The following LTBP1 variants were observed in gnomAD, a reference collection of about 807,000 sequenced individuals.
LTBP1 encodes the protein latent-transforming growth factor beta-binding protein 1.
In LTBP1, 129 loss-of-function variants were observed where a neutral mutation model predicts 207.6. That is an observed-to-expected ratio of 0.62 (90% CI 0.54 to 0.72). The LOEUF (loss-of-function observed/expected upper bound fraction) is 0.72, where lower values mean the gene tolerates loss of function less well. LTBP1 is among the 30% of genes least tolerant of loss of function. LTBP1 has a pLI of 0.00. For missense variants in LTBP1, 2,281 were observed against 2,217.2 expected, an observed-to-expected ratio of 1.03 and a Z score of -0.58; for synonymous variants, 963 against 833.7, an observed-to-expected ratio of 1.16 and a Z score of -2.67.
chr2:33,318,257 C>T (rs1043631778), intron 24 of LTBP1, among the ~76,000 whole-genome samples: 1 of 152,110 alleles, frequency 6.6e-6, no homozygotes, highest in African/African-American at 2.4e-5. Context: ...GGAGAAACAC[C>T]GTGGTTCTCC....
At chr2:32,953,578 C>T (rs764816126) in intron 2 of LTBP1, among the ~76,000 whole-genome samples, 12 of 152,200 alleles carry the variant, frequency 7.9e-5, no homozygotes, top group Admixed American at 7.8e-4. Context: ...TTAAAATCCA[C>T]ATTTAGGAAC....
intron 8 of LTBP1, among the ~76,000 whole-genome samples, chr2:33,218,199 AC>A (rs1346080366): frequency 2.0e-5 from 3 of 152,184 alleles, no homozygotes; most frequent in African/African-American, 4.8e-5. Context: ...TTTTTCTGAC[AC>A]TGGTTTTATG....
At chr2:32,998,558 A>T (rs998148936) in intron 2 of LTBP1, among the ~76,000 whole-genome samples, 4 of 150,316 alleles carry the variant, frequency 2.7e-5, no homozygotes, top group African/African-American at 9.8e-5. Context: ...GTTGTTATGA[A>T]CTGAATGTTT....
chr2:33,056,774 T>A (rs1280572901), intron 3 of LTBP1, among the ~76,000 whole-genome samples: 1 of 151,966 alleles, frequency 6.6e-6, no homozygotes, highest in Non-Finnish European at 1.5e-5. Flanking sequence ...AGCAGCAAGA[T>A]TTATTGCAAA....
chr2:33,021,152 C>G lies in LTBP1; in HGVS notation c.809C>G (p.Thr270Ser). Residue 270 changes from threonine to serine, a missense_variant, in exon 3 of 34, where the codon ACC becomes AGC. This residue lies in a region of LTBP1 where 555 missense variants were observed against 491.0 expected (regional missense o/e 1.13). Transcript: ENST00000404816. ...AGAGTCAGCCCTGTGGCCCAGATGACCTTAACCCTCAAGCCGAAGCCTTCA... is the reference window on the plus strand; with the variant it reads ...AGAGTCAGCCCTGTGGCCCAGATGAGCTTAACCCTCAAGCCGAAGCCTTCA... ...LPRVSPVAQM[T>S]LTLKPKPSVG... The G allele has an allele frequency of 6.2e-7, 1 of 1,612,422 alleles. No homozygotes were observed. The highest frequency in any genetic ancestry group is 8.5e-7 in the Non-Finnish European group (1 of 1,179,024).
At chr2:33,135,634 A>G (rs1050702197) in intron 5 of LTBP1, among the ~76,000 whole-genome samples, 2 of 152,198 alleles carry the variant, frequency 1.3e-5, no homozygotes, top group Non-Finnish European at 2.9e-5. Context: ...GTTAATTTAA[A>G]TATGAAGTAG....
At chr2:33,282,860 C>G (rs1178277890) in intron 19 of LTBP1, among the ~76,000 whole-genome samples, 1 of 151,972 alleles carries the variant, frequency 6.6e-6, no homozygotes, top group Admixed American at 6.6e-5. Context: ...GTCAAGAGAT[C>G]GAGACCATCC....
intron 22 of LTBP1, among the ~76,000 whole-genome samples, chr2:33,307,934 A>G (rs529488635): frequency 4.4e-4 from 67 of 152,332 alleles, no homozygotes; most frequent in African/African-American, 1.5e-3. Context: ...GAGAAAAATG[A>G]AATTCGGTAT....
At chr2:33,272,748 C>T (rs1325992585) in intron 15 of LTBP1, among the ~76,000 whole-genome samples, 1 of 152,222 alleles carries the variant, frequency 6.6e-6, no homozygotes, top group Non-Finnish European at 1.5e-5. Flanking sequence ...GCCAGTGCTT[C>T]TAACCACCAG....
chr2:32,952,770 G>A (rs1173161147), intron 2 of LTBP1, among the ~76,000 whole-genome samples: 1 of 152,156 alleles, frequency 6.6e-6, no homozygotes, highest in Non-Finnish European at 1.5e-5. Flanking sequence ...CAGCTTTAAT[G>A]AGAAGACTGG....
At chr2:33,256,963 G>A (rs888475249) in intron 11 of LTBP1, among the ~76,000 whole-genome samples, 1 of 149,774 alleles carries the variant, frequency 6.7e-6, no homozygotes, top group African/African-American at 2.4e-5. Flanking sequence ...GGATACTGAG[G>A]AATGACTATG....
chr2:32,953,207 G>C (rs752078312), intron 2 of LTBP1, among the ~76,000 whole-genome samples: 1 of 152,248 alleles, frequency 6.6e-6, no homozygotes, highest in Non-Finnish European at 1.5e-5. Flanking sequence ...TTGGTGCTCA[G>C]AGATGCAGTG....
At chr2:33,265,956 C>T (rs78761458) in intron 15 of LTBP1, among the ~76,000 whole-genome samples, 4 of 152,134 alleles carry the variant, frequency 2.6e-5, no homozygotes, top group African/African-American at 9.7e-5. Flanking sequence ...TAGAAATGTT[C>T]TCATATGTTA....
chr2:33,279,018 G>C (rs545643332), intron 18 of LTBP1, among the ~76,000 whole-genome samples: 5 of 152,190 alleles, frequency 3.3e-5, no homozygotes, highest in Non-Finnish European at 7.4e-5. Context: ...ACATACCCAT[G>C]GATATTTAGT....
intron 10 of LTBP1, among the ~76,000 whole-genome samples, chr2:33,245,211 A>G (rs576999284): frequency 1.4e-4 from 22 of 152,240 alleles, no homozygotes; most frequent in African/African-American, 5.3e-4. Context: ...TGGCTTTGGT[A>G]TATAATGAGC....
intron 31 of LTBP1, among the ~76,000 whole-genome samples, chr2:33,370,145 A>G (rs1005650329): frequency 6.6e-6 from 1 of 152,248 alleles, no homozygotes; most frequent in Non-Finnish European, 1.5e-5. Context: ...CACTTCAAAT[A>G]GTGTTTGACA....
At chr2:33,115,187 A>G (rs889439881) in intron 4 of LTBP1, among the ~76,000 whole-genome samples, 12 of 152,170 alleles carry the variant, frequency 7.9e-5, no homozygotes, top group Non-Finnish European at 7.3e-5. Flanking sequence ...AGATTGATAC[A>G]TGCTACAACA....
chr2:33,037,193 C>T (rs2075967262), intron 3 of LTBP1, among the ~76,000 whole-genome samples: 1 of 151,744 alleles, frequency 6.6e-6, no homozygotes, highest in South Asian at 2.1e-4. Context: ...TTATAAAAAA[C>T]TACCATATCA....
chr2:33,309,512 C>G lies in LTBP1; in HGVS notation c.3560C>G (p.Thr1187Ser). 1 of 1,610,326 alleles carries G rather than the reference C, an allele frequency of 6.2e-7. No individual in the cohort carries two copies. ...CINTAGSYDC[T>S]CPDGFQLDDN... Reference sequence around the variant, plus strand: ...AATACTGCAGGGTCCTATGATTGTACTTGTCCGGATGGATTTCAGCTAGAT... The same window carrying G: ...AATACTGCAGGGTCCTATGATTGTAGTTGTCCGGATGGATTTCAGCTAGAT... Residue 1187 changes from threonine to serine, a missense_variant, in exon 23 of 34, where the codon ACT becomes AGT. Physicochemically the swap from Thr to Ser is moderately conservative, Grantham distance 58. This residue lies in a region of LTBP1 where 1,671 missense variants were observed against 1,634.8 expected (regional missense o/e 1.02). Transcript: ENST00000404816.
Sources: gnomAD v4.1 joint callset for allele counts (sites outside exome capture counted in the v4.1 genomes callset) on GRCh38, gnomAD v4.1.1 for gene constraint, gnomAD v4.1.1 regional missense constraint, MANE v1.5 for transcripts, NCBI Gene and HGNC (gene_info 2026-07-23, HGNC 2026-07-21) for gene names.